PTPRD: variants seen among roughly 807,000 people sequenced by gnomAD.
The protein encoded by PTPRD is protein tyrosine phosphatase receptor type D, also known as receptor-type tyrosine-protein phosphatase delta.
In PTPRD, 34 loss-of-function variants were observed where a neutral mutation model predicts 214.5. The ratio of observed to expected loss-of-function variants is 0.16; its 90% CI spans 0.12 to 0.21. The LOEUF is 0.21. Ranked by LOEUF, PTPRD falls within the 10% of genes least tolerant of loss-of-function variation. The probability of loss-of-function intolerance (pLI) is 1.00; values close to 1 mark genes in which losing one functional copy is unlikely to be tolerated. For missense variants in PTPRD, 2,545 were observed against 2,398.7 expected, an observed-to-expected ratio of 1.06 and a Z score of -1.27; for synonymous variants, 1,128 against 845.7, an observed-to-expected ratio of 1.33 and a Z score of -5.79.
At chr9:10,306,280 G>A (rs368036566) in intron 3 of PTPRD, among the ~76,000 whole-genome samples, 2 of 151,666 alleles carry the variant, frequency 1.3e-5, no homozygotes, top group South Asian at 2.1e-4. Context: ...CGTGGGGTGG[G>A]GGGGGCTAGG....
At chr9:8,457,646 A>C (rs2096254539) in intron 33 of PTPRD, among the ~76,000 whole-genome samples, 1 of 152,164 alleles carries the variant, frequency 6.6e-6, no homozygotes, top group Admixed American at 6.6e-5. Flanking sequence ...AACTATCTGT[A>C]GCTACAGACC....
intron 2 of PTPRD, among the ~76,000 whole-genome samples, chr9:10,403,272 G>C (rs1218632084): frequency 5.9e-5 from 4 of 67,634 alleles, no homozygotes; most frequent in Non-Finnish European, 1.4e-4. Flanking sequence ...AAAATGTAGT[G>C]AATGATCAAT....
rs1554959657 is a variant in PTPRD, at chr9:9,195,086, G to GTATATATACATATATATA, written c.-202-11724_-202-11723insTATATATATGTATATATA. On this transcript the variant is annotated intron_variant, in intron 9 of 45. Transcript: ENST00000381196. Reference sequence around the variant, plus strand: ...CATATATACATATGTGTGTGTTTGTGTATATATATATATATATATATACAC... The same window carrying GTATATATACATATATATA: ...CATATATACATATGTGTGTGTTTGTGTATATATACATATATATATATATATATATATATATATATACAC... Among the ~76,000 whole-genome samples, 34 of 131,190 alleles carry GTATATATACATATATATA rather than the reference G, an allele frequency of 2.6e-4. No individual in the cohort carries two copies. In the East Asian group the frequency reaches 7.6e-3, roughly 29 times the overall value. The allele number at this position is 131,190 out of a possible 152,430, so 86.1% of individuals were successfully genotyped here. A position where few individuals can be genotyped will look rare whatever the true frequency, so the allele number is the denominator to read the frequency against.
intron 11 of PTPRD, among the ~76,000 whole-genome samples, chr9:8,738,069 T>A (rs1278849750): frequency 6.6e-6 from 1 of 152,216 alleles, no homozygotes; most frequent in East Asian, 1.9e-4. Flanking sequence ...AAAGATCTTA[T>A]GAAACAATAA....
intron 5 of PTPRD, among the ~76,000 whole-genome samples, chr9:9,933,545 A>G (rs200399027): frequency 2.0e-5 from 3 of 151,710 alleles, no homozygotes; most frequent in Non-Finnish European, 4.4e-5. Context: ...AAATATATAT[A>G]CACCCAACAC....
intron 4 of PTPRD, among the ~76,000 whole-genome samples, chr9:9,986,719 T>G (rs1387177639): frequency 6.6e-6 from 1 of 152,156 alleles, no homozygotes; most frequent in African/African-American, 2.4e-5. Context: ...TTTTTAAAAT[T>G]TATCACTTAG....
chr9:10,012,854 G>T (rs1483262805), intron 4 of PTPRD, among the ~76,000 whole-genome samples: 2 of 151,778 alleles, frequency 1.3e-5, no homozygotes, highest in Admixed American at 1.3e-4. Flanking sequence ...AAACTCCAAA[G>T]CACAAAATAA....
chr9:9,283,761 C>G (rs17668602), intron 9 of PTPRD, among the ~76,000 whole-genome samples: 19,786 of 151,522 alleles, frequency 0.13, 1,637 homozygotes, highest in Middle Eastern at 0.21. Flanking sequence ...ATATATCTCT[C>G]TAATTGGACT....
intron 4 of PTPRD, among the ~76,000 whole-genome samples, chr9:10,026,752 ATCACGGTGGGGAC>A (rs2096930296): frequency 6.6e-6 from 1 of 152,110 alleles, no homozygotes; most frequent in Non-Finnish European, 1.5e-5. Context: ...TGACACAACC[ATCACGGTGGGGAC>A]TGGATTCCAT....
At chr9:9,988,120 A>T (rs906598883) in intron 4 of PTPRD, among the ~76,000 whole-genome samples, 4 of 152,178 alleles carry the variant, frequency 2.6e-5, no homozygotes, top group Non-Finnish European at 2.9e-5. Context: ...CATAACTCTT[A>T]TTTCAAGAGT....
chr9:8,429,673 G>A (rs2094917648), intron 35 of PTPRD, among the ~76,000 whole-genome samples: 1 of 152,260 alleles, frequency 6.6e-6, no homozygotes, highest in Admixed American at 6.5e-5. Flanking sequence ...GCTGCCATGA[G>A]AACAGGAAGA....
intron 10 of PTPRD, among the ~76,000 whole-genome samples, chr9:9,182,876 G>T (rs1266075784): frequency 6.6e-6 from 1 of 151,652 alleles, no homozygotes; most frequent in African/African-American, 2.4e-5. Context: ...AAATAGCTTT[G>T]TAGCTTCCAA....
intron 11 of PTPRD, among the ~76,000 whole-genome samples, chr9:8,978,083 G>T (rs1272800010): frequency 6.6e-6 from 1 of 152,070 alleles, no homozygotes; most frequent in Non-Finnish European, 1.5e-5. Flanking sequence ...ACAAGTAGGA[G>T]ATGAAATTCC....
At chr9:9,634,426 A>G (rs968681179) in intron 7 of PTPRD, among the ~76,000 whole-genome samples, 2 of 152,182 alleles carry the variant, frequency 1.3e-5, no homozygotes, top group Non-Finnish European at 2.9e-5. Flanking sequence ...GAAGCAATAA[A>G]TGAGAGCAAT....
At chr9:9,695,819 G>A (rs2097363188) in intron 7 of PTPRD, among the ~76,000 whole-genome samples, 1 of 152,024 alleles carries the variant, frequency 6.6e-6, no homozygotes, top group African/African-American at 2.4e-5. Context: ...TGTTGAGGAT[G>A]TTTACATCTG....
At chr9:9,309,261 T>G (rs1958132233) in intron 9 of PTPRD, among the ~76,000 whole-genome samples, 1 of 151,368 alleles carries the variant, frequency 6.6e-6, no homozygotes, top group South Asian at 2.1e-4. Flanking sequence ...TATCTCAAAC[T>G]CAGCACAAAT....
chr9:8,434,330 C>A (rs1322444653), intron 35 of PTPRD, among the ~76,000 whole-genome samples: 3 of 152,120 alleles, frequency 2.0e-5, no homozygotes, highest in Non-Finnish European at 4.4e-5. Flanking sequence ...TTTGTTTAAA[C>A]ACACAAATAG....
intron 3 of PTPRD, among the ~76,000 whole-genome samples, chr9:10,208,330 C>A (rs190063621): frequency 1.8e-4 from 28 of 152,202 alleles, no homozygotes; most frequent in African/African-American, 5.5e-4. Context: ...CTGGCTAACA[C>A]GGTGAAACCC....
In PTPRD at chr9:9,991,742, C is replaced by T. The variant is rs563323211; in HGVS notation, c.-472+41976G>A. Among the ~76,000 whole-genome samples the T allele has an allele frequency of 5.3e-5, 8 of 152,150 alleles. No homozygotes were observed. In the South Asian group the frequency reaches 1.5e-3, roughly 28 times the overall value. On this transcript the variant is annotated intron_variant, in intron 4 of 45. Transcript: ENST00000381196. ...TAGGGATGATGTATATACCAAAGGTCTCATATTCACAAGATGAATAGAACT... is the reference window on the plus strand; with the variant it reads ...TAGGGATGATGTATATACCAAAGGTTTCATATTCACAAGATGAATAGAACT...
Sources: allele counts gnomAD v4.1 joint callset (sites outside exome capture counted in the v4.1 genomes callset), GRCh38; gene constraint gnomAD v4.1.1; transcripts MANE v1.5; gene names NCBI Gene and HGNC (gene_info 2026-07-23, HGNC 2026-07-21).